The following ADCY7 variants were observed in gnomAD, a reference collection of about 807,000 sequenced individuals.
ADCY7 encodes the protein adenylate cyclase type 7.
Under a neutral mutation model 120.6 loss-of-function variants are expected in ADCY7, and 72 were observed. That is an observed-to-expected ratio of 0.60 (90% CI 0.49 to 0.73). The LOEUF (loss-of-function observed/expected upper bound fraction) is 0.73, where lower values mean the gene tolerates loss of function less well. ADCY7 is among the 30% of genes least tolerant of loss of function. The probability of loss-of-function intolerance (pLI) is 0.00; values close to 1 mark genes in which losing one functional copy is unlikely to be tolerated. For missense variants in ADCY7, 1,227 were observed against 1,486.0 expected (o/e 0.83, Z 2.87); for synonymous variants, 661 against 628.0 (o/e 1.05, Z -0.78).
At chr16:50,257,076 T>C (rs985240353) in intron 1 of ADCY7, among the ~76,000 whole-genome samples, 14 of 152,142 alleles carry the variant, frequency 9.2e-5, no homozygotes, top group African/African-American at 3.4e-4. Flanking sequence ...ATCTCACTTA[T>C]GTGTGGAATC....
intron 22 of ADCY7, 31 bp downstream of exon 22, chr16:50,313,067 GC>G: frequency 1.2e-6 from 2 of 1,611,984 alleles, no homozygotes; most frequent in South Asian, 2.2e-5. Context: ...TTGCGCAGCA[GC>G]CCCCACCCAT....
chr16:50,272,445 G>T (rs7193434), intron 1 of ADCY7, among the ~76,000 whole-genome samples: 63,866 of 152,072 alleles, frequency 0.42, 13,812 homozygotes, highest in East Asian at 0.68. Context: ...TTGCTTCCTG[G>T]AGTCACCGAC....
intron 8 of ADCY7, among the ~76,000 whole-genome samples, chr16:50,300,014 C>T (rs889269299): frequency 3.3e-5 from 5 of 152,138 alleles, no homozygotes; most frequent in Non-Finnish European, 5.9e-5. Context: ...GGTCTGGGCC[C>T]CTGTGTTCCT....
Position 50,290,539 on chromosome 16 carries a change from T to C in ADCY7, c.254T>C (p.Val85Ala). 6.2e-7 allele frequency: 1 copy of C among 1,614,216 alleles called. No homozygotes were observed. Among genetic ancestry groups the C allele is most frequent in the Non-Finnish European group, 8.5e-7 (1 of 1,180,052 alleles). ...VFAALSVLMY[V>A]ECLLRRWLRA... ...GCGGCCCTCTCTGTGCTGATGTACG[T>C]CGAGTGTCTCCTGCGGCGCTGGCTC... Residue 85 changes from valine (V) to alanine (A), a missense_variant, in exon 3 of 26, where the codon GTC becomes GCC. This residue lies in a region of ADCY7 where 382 missense variants were observed against 411.4 expected (regional missense o/e 0.93). Coordinates refer to ENST00000673801, the MANE Select transcript of ADCY7 (RefSeq NM_001114.5).
At chr16:50,300,579 G>A (rs1330851895) in intron 8 of ADCY7, 136 bp from the exon 9 acceptor site, 2 of 1,073,638 alleles carry the variant, frequency 1.9e-6, no homozygotes, top group Non-Finnish European at 2.6e-6. Flanking sequence ...GCCCCATCAG[G>A]CTGAGAACAT....
rs577711215 is a variant in ADCY7 at position 50,308,352 on chromosome 16, G to A, written c.1876G>A (p.Gly626Arg). The A allele has an allele frequency of 3.9e-5, 63 of 1,614,152 alleles. No individual in the cohort carries two copies. Among genetic ancestry groups the A allele is most frequent in the African/African-American group, 5.3e-5 (4 of 75,044 alleles). ...PRTAALGVSF[G>R]LVACVLGLVL... The stretch of plus-strand genomic sequence containing the variant: ...GACGGCGGCACTGGGTGTGTCCTTC[G>A]GGCTGGTGGCCTGTGTACTGGGGCT... Residue 626 changes from glycine (G) to arginine (R), a missense_variant, in exon 16 of 26, where the codon GGG (glycine) becomes AGG (arginine). By Grantham distance (125) the Gly-to-Arg change is moderately radical. Transcript: ENST00000673801.
chr16:50,314,898 C>T (rs2036715632), intron 24 of ADCY7, 116 bp from the exon 25 acceptor site: 2 of 1,421,518 alleles, frequency 1.4e-6, no homozygotes, highest in Middle Eastern at 2.6e-4. Flanking sequence ...CCAGCCTTCA[C>T]TCTAGTTGTT....
intron 24 of ADCY7, chr16:50,314,783 G>C (rs976182334): frequency 5.5e-6 from 3 of 540,870 alleles, no homozygotes; most frequent in Non-Finnish European, 9.8e-6. Context: ...GCAGATACAA[G>C]TGTTAACATC....
chr16:50,275,497 AAG>A (rs1468316748), intron 1 of ADCY7, among the ~76,000 whole-genome samples: 5 of 152,210 alleles, frequency 3.3e-5, no homozygotes, highest in African/African-American at 1.2e-4. Context: ...TCAGTGCAAA[AAG>A]AGTCTCATTA....
At chr16:50,295,381 A>C (rs2035286651) in intron 7 of ADCY7, among the ~76,000 whole-genome samples, 1 of 55,020 alleles carries the variant, frequency 1.8e-5, no homozygotes, top group Admixed American at 2.0e-4. Flanking sequence ...TTTTTGTAGC[A>C]ATGGGGTTTC....
chr16:50,284,120 C>T (rs1008475215), intron 1 of ADCY7, among the ~76,000 whole-genome samples: 1 of 152,240 alleles, frequency 6.6e-6, no homozygotes, highest in East Asian at 1.9e-4. Context: ...CTGGGTCTGG[C>T]TTTGGCGGGG....
Position 50,313,006 on chromosome 16 carries a change from G to A in ADCY7, c.2721G>A (p.Leu907=), listed in dbSNP as rs1244358970. ...VNKEGLECLR[L]LNEIIADFDE... is the part of the protein sequence containing the mutation. The stretch of plus-strand genomic sequence containing the variant: ...AAGAAGGGCTGGAGTGCCTACGCCT[G>A]CTCAATGAGATCATTGCCGACTTCG... The change falls in exon 22 of 26, where the codon CTG becomes CTA. Residue 907 remains leucine (L), a synonymous_variant. Transcript: ENST00000673801. 1.2e-6 allele frequency: 2 copies of A among 1,614,216 alleles called. No homozygotes were observed. The highest frequency in any genetic ancestry group is 2.2e-5 in the East Asian group (1 of 44,888).
chr16:50,300,942 TG>T, intron 9 of ADCY7, 69 bp downstream of exon 9: 2 of 1,536,820 alleles, frequency 1.3e-6, no homozygotes, highest in East Asian at 2.5e-5. Flanking sequence ...GTTCTGCGGT[TG>T]GGGGTGGGGG....
intron 3 of ADCY7, 65 bp downstream of exon 3, chr16:50,290,725 G>T: frequency 6.5e-7 from 1 of 1,548,370 alleles, no homozygotes; most frequent in Middle Eastern, 2.2e-4. Context: ...GTGGTTGGTG[G>T]GCATGCCACA....
At position 50,313,031 on chromosome 16, in the gene ADCY7, G is replaced by A. The variant is rs745887234; in HGVS notation, c.2746G>A (p.Asp916Asn). The A allele has an allele frequency of 1.2e-6, 2 of 1,614,004 alleles. No homozygotes were observed. Among genetic ancestry groups the A allele is most frequent in the South Asian group, 1.1e-5 (1 of 91,074 alleles). The change falls in exon 22 of 26, where the codon GAC becomes AAC. Residue 916 changes from aspartate to asparagine, a missense_variant. Physicochemically the swap from Asp to Asn is conservative, Grantham distance 23 (BLOSUM62 1). This residue lies in a region of ADCY7 where 244 missense variants were observed against 332.8 expected (regional missense o/e 0.73). Coordinates refer to ENST00000673801, the MANE Select transcript of ADCY7 (RefSeq NM_001114.5). ...RLLNEIIADF[D>N]ELLLKPKFSG... The stretch of plus-strand genomic sequence containing the variant: ...GCTCAATGAGATCATTGCCGACTTC[G>A]ACGAGGTACAGCCTCTAGCCCAGCC...
chr16:50,296,405 G>C (rs1405571791), intron 7 of ADCY7, among the ~76,000 whole-genome samples: 2 of 144,778 alleles, frequency 1.4e-5, no homozygotes, highest in Admixed American at 1.4e-4. Flanking sequence ...TGTTGCCCAG[G>C]CTGGAGTGCA....
At position 50,310,766 on chromosome 16, in the gene ADCY7, T is replaced by C. The variant is rs1329996864; in HGVS notation, c.2240T>C (p.Leu747Pro). Residue 747 changes from leucine to proline, a missense_variant, in exon 19 of 26, where the codon CTG (leucine) becomes CCG (proline). Physicochemically the swap from Leu to Pro is moderately conservative, Grantham distance 98. Transcript: ENST00000673801. ...ATGAGCCTGGAGCCAAAGGTTGTGCTGCTGACAGTGGCCCTGGTGGCCTAC... is the reference window on the plus strand; with the variant it reads ...ATGAGCCTGGAGCCAAAGGTTGTGCCGCTGACAGTGGCCCTGGTGGCCTAC... ...LRMSLEPKVV[L>P]LTVALVAYLV... The C allele has an allele frequency of 3.1e-6, 5 of 1,614,058 alleles. No individual in the cohort carries two copies. Among genetic ancestry groups the C allele is most frequent in the Non-Finnish European group, 4.2e-6 (5 of 1,180,028 alleles).
chr16:50,299,814 G>A (rs1377185147), intron 8 of ADCY7, among the ~76,000 whole-genome samples: 1 of 152,214 alleles, frequency 6.6e-6, no homozygotes, highest in Non-Finnish European at 1.5e-5. Context: ...GGAAGGCTTG[G>A]TCAGTGCCCA....
In ADCY7 at chr16:50,290,563, T is replaced by C. The variant is rs746318839; in HGVS notation, c.278T>C (p.Leu93Pro). Residue 93 changes from leucine to proline, a missense_variant, in exon 3 of 26, where the codon CTC becomes CCC. Physicochemically the swap from Leu to Pro is moderately conservative, Grantham distance 98. Coordinates refer to ENST00000673801, the MANE Select transcript of ADCY7 (RefSeq NM_001114.5). ...GTCGAGTGTCTCCTGCGGCGCTGGC[T>C]CAGGGCCTTGGCGCTGCTCACCTGG... ...MYVECLLRRW[L>P]RALALLTWAC... 4.3e-6 allele frequency: 7 copies of C among 1,614,078 alleles called. No homozygotes were observed. Among genetic ancestry groups the C allele is most frequent in the Non-Finnish European group, 4.2e-6 (5 of 1,180,056 alleles).
Sources: allele counts gnomAD v4.1 joint callset (sites outside exome capture counted in the v4.1 genomes callset), GRCh38; gene constraint gnomAD v4.1.1; regional missense constraint gnomAD v4.1.1; transcripts MANE v1.5; gene names NCBI Gene and HGNC (gene_info 2026-07-23, HGNC 2026-07-21).